Variants in KMT2C observed in about 807,000 individuals in gnomAD.
KMT2C encodes the protein histone-lysine N-methyltransferase 2C.
KMT2C carries 88 observed loss-of-function variants against 507.9 expected under a neutral mutation model. That is an observed-to-expected ratio of 0.17 (90% CI 0.15 to 0.21). KMT2C has a LOEUF of 0.21. KMT2C is among the 10% of genes least tolerant of loss of function. The probability of loss-of-function intolerance (pLI) is 1.00; values close to 1 mark genes in which losing one functional copy is unlikely to be tolerated. For missense variants in KMT2C, 4,954 were observed against 5,957.8 expected, an observed-to-expected ratio of 0.83 and a Z score of 5.55; for synonymous variants, 2,049 against 2,080.8, an observed-to-expected ratio of 0.98 and a Z score of 0.42.
intron 1 of KMT2C, among the ~76,000 whole-genome samples, chr7:152,364,705 A>T (rs564582343): frequency 6.6e-6 from 1 of 152,110 alleles, no homozygotes; most frequent in Non-Finnish European, 1.5e-5. Context: ...CATTATCCCT[A>T]AAGACATAAC....
chr7:152,246,317 T>TG (rs1354677596), intron 14 of KMT2C, among the ~76,000 whole-genome samples: 2 of 151,982 alleles, frequency 1.3e-5, no homozygotes, highest in African/African-American at 2.4e-5. Context: ...CAGCAAATGA[T>TG]GAAGTAGTAA....
chr7:152,434,842 T>C (rs1468351508), intron 1 of KMT2C, among the ~76,000 whole-genome samples: 3 of 152,148 alleles, frequency 2.0e-5, no homozygotes, highest in Non-Finnish European at 4.4e-5. Context: ...CAGCTAAGAC[T>C]TACGAGGGAA....
In KMT2C at chr7:152,178,015, T is replaced by TTAAAAAAAAAAAAAAA. The variant is rs1491309235; in HGVS notation, c.7443-6_7443-5insTTTTTTTTTTTTTTTA. 3.7e-5 allele frequency: 30 copies of TTAAAAAAAAAAAAAAA among 811,070 alleles called. No individual in the cohort carries two copies. Among genetic ancestry groups the TTAAAAAAAAAAAAAAA allele is most frequent in the African/African-American group, 2.8e-4 (9 of 32,444 alleles). The allele number at this position is 811,070 out of a possible 1,614,324, so 50.2% of individuals were successfully genotyped here. A position where few individuals can be genotyped will look rare whatever the true frequency, so the allele number is the denominator to read the frequency against. The stretch of plus-strand genomic sequence containing the variant: ...CTACCTCCTGGAAATCCAAATCTTT[T>TTAAAAAAAAAAAAAAA]AAAAAAAAAAAAAAAAAAAAAAAAA... On this transcript the variant is annotated splice_polypyrimidine_tract_variant and splice_region_variant and intron_variant, in intron 37 of 58. Coordinates refer to ENST00000262189, the MANE Select transcript of KMT2C (RefSeq NM_170606.3).
rs530726947 is a variant in KMT2C at position 152,209,580 on chromosome 7, A to G, written c.3713-2152T>C. 4.6e-5 allele frequency among the ~76,000 whole-genome samples: 7 copies of G among 152,166 alleles called. No homozygotes were observed. The East Asian group carries it at 1.4e-3, about 29-fold the overall frequency. On this transcript the variant is annotated intron_variant, in intron 23 of 58. Coordinates refer to ENST00000262189, the MANE Select transcript of KMT2C (RefSeq NM_170606.3). ...CACTGAAATAATCTATTTTTAAAAGATAAAATCAAGCTGTGGCATGGTGGC... is the reference window on the plus strand; with the variant it reads ...CACTGAAATAATCTATTTTTAAAAGGTAAAATCAAGCTGTGGCATGGTGGC...
At chr7:152,188,469 T>G (rs980443100) in intron 31 of KMT2C, among the ~76,000 whole-genome samples, 3 of 151,964 alleles carry the variant, frequency 2.0e-5, no homozygotes, top group Non-Finnish European at 4.4e-5. Flanking sequence ...TAAAAAACAC[T>G]AATGAATCAC....
chr7:152,212,083 G>A lies in KMT2C; in HGVS notation c.3713-4655C>T, dbSNP rs138313249. 8.4e-3 allele frequency among the ~76,000 whole-genome samples: 1,279 copies of A among 152,080 alleles called. 17 individuals carry two copies. The highest frequency in any genetic ancestry group is 0.029 in the African/African-American group (1,202 of 41,482). On this transcript the variant is annotated intron_variant, in intron 23 of 58. Coordinates refer to ENST00000262189, the MANE Select transcript of KMT2C (RefSeq NM_170606.3). Reference sequence around the variant, plus strand: ...GAAAAGAGAAGAGAAGAGACGAGACGAGGACAGAAAGAAAGACAGACAGAA... The same window carrying A: ...GAAAAGAGAAGAGAAGAGACGAGACAAGGACAGAAAGAAAGACAGACAGAA...
At chr7:152,362,067 T>C (rs2097201740) in intron 1 of KMT2C, among the ~76,000 whole-genome samples, 1 of 152,066 alleles carries the variant, frequency 6.6e-6, no homozygotes, top group Non-Finnish European at 1.5e-5. Context: ...TACATTCTAG[T>C]GAGAAGAGAC....
chr7:152,344,654 AAGAAG>A (rs140074802), intron 2 of KMT2C, among the ~76,000 whole-genome samples: 6,224 of 152,164 alleles, frequency 0.041, 196 homozygotes, highest in South Asian at 0.088. Context: ...TGTGCTAAGA[AAGAAG>A]AGAAAACAGA....
At chr7:152,241,022 T>A (rs1175485500) in intron 14 of KMT2C, among the ~76,000 whole-genome samples, 1 of 152,220 alleles carries the variant, frequency 6.6e-6, no homozygotes, top group African/African-American at 2.4e-5. Context: ...AAGACAAACC[T>A]TTCCCAATGC....
chr7:152,372,740 G>C (rs1384534588), intron 1 of KMT2C, among the ~76,000 whole-genome samples: 1 of 152,100 alleles, frequency 6.6e-6, no homozygotes, highest in East Asian at 1.9e-4. Context: ...TAGAACTAAA[G>C]GGGGAAATAG....
At chr7:152,161,974 G>A (rs2092477773) in intron 43 of KMT2C, 143 bp downstream of exon 43, 1 of 888,756 alleles carries the variant, frequency 1.1e-6, no homozygotes, top group Non-Finnish European at 1.5e-6. Context: ...GTTCCAGAGA[G>A]GTAGAAATGA....
Position 152,144,188 on chromosome 7 carries a change from G to A in KMT2C, c.14343+525C>T, listed in dbSNP as rs182531134. ...GAGAAAAATGCTGAACAGGCATTTG[G>A]ATATTTGGGTCTGCAGCTCAGGAAG... is the stretch of plus-strand genomic sequence containing the variant. On this transcript the variant is annotated intron_variant, in intron 55 of 58. Coordinates refer to ENST00000262189, the MANE Select transcript of KMT2C (RefSeq NM_170606.3). The surrounding 1 kb of genome is among the most constrained non-coding windows in gnomAD (Gnocchi z 4.4). 2.0e-5 allele frequency among the ~76,000 whole-genome samples: 3 copies of A among 150,908 alleles called. No individual in the cohort carries two copies. Among genetic ancestry groups the A allele is most frequent in the Admixed American group, 1.3e-4 (2 of 15,098 alleles).
chr7:152,273,982 C>T (rs1361672027), intron 6 of KMT2C, 115 bp from the exon 7 acceptor site: 2 of 957,316 alleles, frequency 2.1e-6, no homozygotes, highest in Non-Finnish European at 2.8e-6. Context: ...CAAATTGAAC[C>T]TGCAAAATAT....
chr7:152,384,347 AG>A (rs2097401317), intron 1 of KMT2C, among the ~76,000 whole-genome samples: 1 of 152,214 alleles, frequency 6.6e-6, no homozygotes, highest in South Asian at 2.1e-4. Flanking sequence ...CTGAGCTTCC[AG>A]CCCTACTGAA....
intron 2 of KMT2C, among the ~76,000 whole-genome samples, chr7:152,347,019 G>A (rs2097066231): frequency 1.3e-5 from 2 of 152,312 alleles, no homozygotes; most frequent in African/African-American, 4.8e-5. Context: ...CCCAGCTCAG[G>A]AGGCTGAGGC....
intron 9 of KMT2C, among the ~76,000 whole-genome samples, chr7:152,255,142 T>TATATATATATATATATATAC (rs1273227523): frequency 6.3e-5 from 8 of 126,342 alleles, no homozygotes; most frequent in African/African-American, 9.6e-5. Context: ...TATATATATA[T>TATATATATATATATATATAC]ATACATATAT....
intron 1 of KMT2C, among the ~76,000 whole-genome samples, chr7:152,387,573 C>T (rs1466188031): frequency 9.7e-4 from 144 of 148,624 alleles, no homozygotes; most frequent in East Asian, 4.1e-3. Context: ...CGGGTTCACG[C>T]CATTCTCCTG....
At chr7:152,401,189 A>T (rs1183298384) in intron 1 of KMT2C, among the ~76,000 whole-genome samples, 1 of 151,294 alleles carries the variant, frequency 6.6e-6, no homozygotes, top group African/African-American at 2.4e-5. Flanking sequence ...GGGTTCAAGC[A>T]ATTCTCCCTG....
chr7:152,367,938 G>A (rs1390600065), intron 1 of KMT2C: 14 of 968,468 alleles, frequency 1.4e-5, no homozygotes, highest in Non-Finnish European at 2.2e-5. Flanking sequence ...TGCCAAAGCA[G>A]ACACACTTAT....
Sources: allele counts gnomAD v4.1 joint callset (sites outside exome capture counted in the v4.1 genomes callset), GRCh38; gene constraint gnomAD v4.1.1; non-coding constraint Gnocchi (gnomAD v3.1); transcripts MANE v1.5; gene names NCBI Gene and HGNC (gene_info 2026-07-23, HGNC 2026-07-21).